The following LRR1 variants were observed in gnomAD, a reference collection of about 807,000 sequenced individuals.
LRR1 encodes leucine rich repeat protein 1.
Under a neutral mutation model 31.6 loss-of-function variants are expected in LRR1, and 29 were observed. The observed-to-expected ratio is 0.92, with a 90% CI of 0.68 to 1.25. The LOEUF is 1.25. LRR1 is among the 50% of genes most tolerant of loss of function. The pLI is 0.00. For synonymous variants in LRR1, 179 were observed against 181.4 expected, an observed-to-expected ratio of 0.99 and a Z score of 0.10; for missense variants, 485 against 487.2, an observed-to-expected ratio of 1.00 and a Z score of 0.04.
In LRR1 at chr14:49,614,506, C is replaced by T. The variant is rs770185348; in HGVS notation, c.*10C>T. 5 of 1,612,720 alleles carry T rather than the reference C, an allele frequency of 3.1e-6. No homozygotes were observed. The Admixed American group carries it at 5.0e-5, about 16-fold the overall frequency. Reference sequence around the variant, plus strand: ...TGATATGTTAAAGTAATGGGTGAGACCAGAAAAAGAAATTTCAATAACAGA... The same window carrying T: ...TGATATGTTAAAGTAATGGGTGAGATCAGAAAAAGAAATTTCAATAACAGA... On this transcript the variant is annotated 3_prime_UTR_variant, in exon 4 of 4. Coordinates refer to ENST00000298288, the MANE Select transcript of LRR1 (RefSeq NM_152329.4).
chr14:49,604,238 C>A (rs1265445762), intron 2 of LRR1, among the ~76,000 whole-genome samples: 1 of 151,514 alleles, frequency 6.6e-6, no homozygotes, highest in East Asian at 2.0e-4. Context: ...CTGGGAGGTG[C>A]AGGTTACAAT....
intron 2 of LRR1, chr14:49,603,716 C>T: frequency 5.5e-6 from 3 of 546,772 alleles, no homozygotes; most frequent in Non-Finnish European, 6.3e-6. Context: ...TTTAATGAGA[C>T]AGAGTCTCTC....
chr14:49,599,282 T>C, intron 1 of LRR1, 79 bp downstream of exon 1: 1 of 1,431,012 alleles, frequency 7.0e-7, no homozygotes, highest in Non-Finnish European at 9.3e-7. Context: ...GTCCTCATGC[T>C]CCCGGCTGCT....
intron 3 of LRR1, among the ~76,000 whole-genome samples, chr14:49,610,063 T>G (rs1251666661): frequency 6.6e-6 from 1 of 152,106 alleles, no homozygotes; most frequent in African/African-American, 2.4e-5. Flanking sequence ...GATTTCATTT[T>G]CTCAGCTGTG....
intron 1 of LRR1, chr14:49,601,030 T>C: frequency 6.2e-7 from 1 of 1,610,964 alleles, no homozygotes; most frequent in Non-Finnish European, 8.5e-7. Context: ...GTATGTAAGT[T>C]GCTTTCTATT....
At chr14:49,606,020 C>CTTTTTTTTTTTTTTTT (rs57012174) in intron 2 of LRR1, among the ~76,000 whole-genome samples, 2 of 144,124 alleles carry the variant, frequency 1.4e-5, no homozygotes, top group Non-Finnish European at 1.5e-5. Context: ...CAAAAATTAG[C>CTTTTTTTTTTTTTTTT]TTTTTTTTTT....
chr14:49,607,311 G>T, intron 2 of LRR1, 89 bp from the exon 3 acceptor site: 1 of 1,288,168 alleles, frequency 7.8e-7, no homozygotes, highest in Non-Finnish European at 1.0e-6. Context: ...ACATTCATAA[G>T]TAATGCCATA....
chr14:49,599,994 A>G (rs1881986177), intron 1 of LRR1: 6 of 1,603,804 alleles, frequency 3.7e-6, no homozygotes, highest in Middle Eastern at 2.2e-4. Context: ...CAGCAGCATC[A>G]TGGCTCACGG....
chr14:49,611,734 C>T (rs1882519024), intron 3 of LRR1, among the ~76,000 whole-genome samples: 3 of 152,014 alleles, frequency 2.0e-5, no homozygotes, highest in Admixed American at 2.0e-4. Flanking sequence ...ACCAGCAGGG[C>T]TAATATGGTG....
At chr14:49,613,306 T>A (rs1882581613) in intron 3 of LRR1, among the ~76,000 whole-genome samples, 1 of 140,522 alleles carries the variant, frequency 7.1e-6, no homozygotes, top group Admixed American at 7.7e-5. Flanking sequence ...GCCACTGCGC[T>A]CCAGCCTGGG....
chr14:49,612,034 G>C (rs1054693342), intron 3 of LRR1, among the ~76,000 whole-genome samples: 12 of 152,072 alleles, frequency 7.9e-5, no homozygotes, highest in Non-Finnish European at 1.5e-4. Flanking sequence ...ATTATAACAA[G>C]TTTGGCTAAA....
intron 2 of LRR1, 50 bp from the exon 3 acceptor site, chr14:49,607,350 A>G: frequency 6.8e-7 from 1 of 1,475,092 alleles, no homozygotes; most frequent in South Asian, 1.4e-5. Flanking sequence ...ACTAGCATGT[A>G]TGTATTATCT....
intron 1 of LRR1, among the ~76,000 whole-genome samples, chr14:49,599,839 G>A (rs1566490326): frequency 6.8e-6 from 1 of 147,534 alleles, no homozygotes; most frequent in Non-Finnish European, 1.5e-5. Flanking sequence ...TCTCCCCTCC[G>A]GCGAGGGGAG....
At chr14:49,611,486 T>A (rs1882510720) in intron 3 of LRR1, among the ~76,000 whole-genome samples, 1 of 152,004 alleles carries the variant, frequency 6.6e-6, no homozygotes, top group South Asian at 2.1e-4. Flanking sequence ...AATCAGTCAA[T>A]CAGTTAATTA....
At chr14:49,600,295 A>G in intron 1 of LRR1, 1 of 1,487,534 alleles carries the variant, frequency 6.7e-7, no homozygotes, top group South Asian at 1.1e-5. Context: ...AATGTGAGGG[A>G]GGAGTGGGTA....
chr14:49,606,179 G>A (rs988135998), intron 2 of LRR1, among the ~76,000 whole-genome samples: 7 of 145,542 alleles, frequency 4.8e-5, no homozygotes, highest in African/African-American at 1.3e-4. Flanking sequence ...GGCGCCTGCC[G>A]CCATGCCCCA....
intron 3 of LRR1, among the ~76,000 whole-genome samples, chr14:49,608,821 G>A (rs527990133): frequency 5.3e-5 from 8 of 150,792 alleles, no homozygotes; most frequent in African/African-American, 1.7e-4. Context: ...TAGAGAGTTC[G>A]CATAGTGATG....
In LRR1 at chr14:49,607,818, G is replaced by C. The variant is rs1392740393; in HGVS notation, c.701G>C (p.Ser234Thr). The C allele has an allele frequency of 6.2e-7, 1 of 1,613,988 alleles. No homozygotes were observed. Among genetic ancestry groups the C allele is most frequent in the Non-Finnish European group, 8.5e-7 (1 of 1,179,994 alleles). ...LQKSLRSLDL[S>T]KNKIKALPVQ... is the part of the protein sequence containing the mutation. ...AAGTCACTTCGGAGTTTGGACCTCA[G>C]CAAGAACAAAATCAAGGCACTCCCT... Residue 234 changes from serine (S) to threonine (T), a missense_variant, in exon 3 of 4, where the codon AGC becomes ACC. Coordinates refer to ENST00000298288, the MANE Select transcript of LRR1 (RefSeq NM_152329.4).
chr14:49,608,107 C>A lies in LRR1; in HGVS notation c.990C>A (p.Thr330=). Residue 330 remains threonine, a synonymous_variant, in exon 3 of 4, where the codon ACC becomes ACA. Coordinates refer to ENST00000298288, the MANE Select transcript of LRR1 (RefSeq NM_152329.4). ...CTTTATTGGAATCTTCTGCACGAAC[C>A]ATATTACATAATAGGTAAGATTTTA... The part of the protein sequence containing the change: ...PLTLLESSAR[T]ILHNRIPYGS... 1.3e-6 allele frequency: 2 copies of A among 1,570,844 alleles called. No individual in the cohort carries two copies. The highest frequency in any genetic ancestry group is 2.4e-5 in the South Asian group (2 of 84,538).
Sources: gnomAD v4.1 joint callset for allele counts (sites outside exome capture counted in the v4.1 genomes callset) on GRCh38, gnomAD v4.1.1 for gene constraint, MANE v1.5 for transcripts, NCBI Gene and HGNC (gene_info 2026-07-23, HGNC 2026-07-21) for gene names.